Variants in DPP6 observed in about 807,000 individuals in gnomAD.
The protein encoded by DPP6 is dipeptidyl peptidase like 6, also known as A-type potassium channel modulatory protein DPP6.
A neutral mutation model predicts 122.6 loss-of-function variants in DPP6; 69 were observed. The observed-to-expected ratio is 0.56, with a 90% confidence interval of 0.46 to 0.69. DPP6 has a LOEUF of 0.69. DPP6 is among the 30% of genes least tolerant of loss of function. The pLI is 0.00. For synonymous variants in DPP6, 418 were observed against 433.1 expected, an observed-to-expected ratio of 0.97 and a Z score of 0.43; for missense variants, 928 against 1,116.9, an observed-to-expected ratio of 0.83 and a Z score of 2.41.
chr7:154,798,786 T>C (rs1293396801), intron 12 of DPP6, among the ~76,000 whole-genome samples: 1 of 152,196 alleles, frequency 6.6e-6, no homozygotes, highest in Non-Finnish European at 1.5e-5. Context: ...TATGACATTG[T>C]TTTTTTCGTA....
At chr7:154,631,840 T>TTA (rs959329930) in intron 5 of DPP6, among the ~76,000 whole-genome samples, 1 of 152,144 alleles carries the variant, frequency 6.6e-6, no homozygotes, top group African/African-American at 2.4e-5. Context: ...GTGGAGAAGT[T>TTA]GTTAAAGTTC....
At chr7:153,855,968 G>T in the DPP6 span, among the ~76,000 whole-genome samples, 1 of 152,164 alleles carries the variant, frequency 6.6e-6, no homozygotes, top group Non-Finnish European at 1.5e-5. Flanking sequence ...AGGTGACTCA[G>T]AAGTTAAACA....
intron 3 of DPP6, among the ~76,000 whole-genome samples, chr7:154,495,746 T>C (rs1053124231): frequency 6.6e-6 from 1 of 152,084 alleles, no homozygotes; most frequent in African/African-American, 2.4e-5. Context: ...CAGGAACCAG[T>C]GCGGGGAGGT....
chr7:154,430,239 T>C (rs1181116035), intron 1 of DPP6, among the ~76,000 whole-genome samples: 2 of 152,206 alleles, frequency 1.3e-5, no homozygotes. Context: ...GTTAGTTTAA[T>C]GATGCAAGTC....
intron 3 of DPP6, among the ~76,000 whole-genome samples, chr7:154,531,648 T>A (rs2130122164): frequency 6.6e-6 from 1 of 152,296 alleles, no homozygotes; most frequent in African/African-American, 2.4e-5. Flanking sequence ...TTTTTTCTTT[T>A]TGACTTTTTA....
At chr7:153,906,697 C>T (rs111780935) in intron 1 of DPP6, among the ~76,000 whole-genome samples, 4,736 of 152,322 alleles carry the variant, frequency 0.031, 226 homozygotes, top group African/African-American at 0.11. Flanking sequence ...AGCAATCCAC[C>T]CGCTTCAGGC....
rs972892547 is a variant in DPP6 at position 154,188,508 on chromosome 7, CTCTAAGTCTGATAT to C, written c.243+135447_243+135460del. On this transcript the variant is annotated intron_variant, in intron 1 of 25. Coordinates refer to ENST00000377770, the MANE Select transcript of DPP6 (RefSeq NM_130797.4). Reference sequence around the variant, plus strand: ...AATAGTAACTGTGTAATGTGGGGGTCTCTAAGTCTGATATTGCTTAGCTATGCAGTTTTCTAGTC... The same window carrying C: ...AATAGTAACTGTGTAATGTGGGGGTCTGCTTAGCTATGCAGTTTTCTAGTC... 1.4e-4 allele frequency among the ~76,000 whole-genome samples: 21 copies of C among 152,200 alleles called. 1 individual carries two copies. The highest frequency in any genetic ancestry group is 5.1e-4 in the African/African-American group (21 of 41,528).
Position 154,033,101 on chromosome 7 carries a change from G to T in DPP6, c.51+145367G>T, listed in dbSNP as rs1307834702. On this transcript the variant is annotated intron_variant, in intron 1 of 25. Transcript: ENST00000404039. ...TTCCTGGGTGGTAAGTGATTTCCCTGTATTATTTCACAAAATCATAAAAGC... is the reference window on the plus strand; with the variant it reads ...TTCCTGGGTGGTAAGTGATTTCCCTTTATTATTTCACAAAATCATAAAAGC... Among the ~76,000 whole-genome samples the T allele has an allele frequency of 2.0e-5, 3 of 152,044 alleles. No homozygotes were observed. The South Asian group carries it at 6.2e-4, about 31-fold the overall frequency.
At chr7:154,722,476 T>G (rs979373661) in intron 7 of DPP6, among the ~76,000 whole-genome samples, 4 of 152,284 alleles carry the variant, frequency 2.6e-5, no homozygotes, top group African/African-American at 9.6e-5. Context: ...ATCTTGATTC[T>G]GGAGGGATTT....
intron 1 of DPP6, among the ~76,000 whole-genome samples, chr7:154,037,751 G>GA (rs1427661365): frequency 1.5e-5 from 2 of 131,196 alleles, no homozygotes; most frequent in East Asian, 4.3e-4. Flanking sequence ...TAAAATGTAG[G>GA]AAAAATCCCA....
the DPP6 span, among the ~76,000 whole-genome samples, chr7:153,763,299 A>G: frequency 2.6e-5 from 4 of 151,962 alleles, no homozygotes; most frequent in Non-Finnish European, 5.9e-5. Flanking sequence ...TTACCACCAA[A>G]TAAAACTGTT....
intron 1 of DPP6, among the ~76,000 whole-genome samples, chr7:154,262,946 G>A (rs73489335): frequency 0.14 from 21,708 of 152,162 alleles, 2,066 homozygotes; most frequent in African/African-American, 0.27. Context: ...TTACGACAGT[G>A]GGGAAACTTT....
In DPP6 at chr7:154,803,869, C is replaced by T. The variant is rs1164289730; in HGVS notation, c.1413C>T (p.Asn471=). Residue 471 remains asparagine, a synonymous_variant, in exon 14 of 26, where the codon AAC becomes AAT. Transcript: ENST00000377770. ...YHITVSSSQP[N]SSNDNIQSIT... is the part of the protein sequence containing the mutation. ...GCCATGTCTGTGTGTTTCAGCCCAA[C>T]AGCAGCAACGACAACATCCAGTCCA... 6.2e-7 allele frequency: 1 copy of T among 1,613,638 alleles called. No individual in the cohort carries two copies. The highest frequency in any genetic ancestry group is 8.5e-7 in the Non-Finnish European group (1 of 1,179,670).
chr7:154,769,392 A>G, intron 8 of DPP6, 25 bp from the exon 9 acceptor site: 2 of 1,612,404 alleles, frequency 1.2e-6, no homozygotes, highest in South Asian at 2.2e-5. Flanking sequence ...TACTATTCAC[A>G]TTTCTCTACT....
chr7:154,349,970 G>A (rs1810712172), intron 1 of DPP6, among the ~76,000 whole-genome samples: 1 of 152,216 alleles, frequency 6.6e-6, no homozygotes, highest in South Asian at 2.1e-4. Context: ...TAAATAAAAT[G>A]TTTTGATGAT....
intron 1 of DPP6, among the ~76,000 whole-genome samples, chr7:154,332,215 G>A (rs948414452): frequency 6.6e-6 from 1 of 152,070 alleles, no homozygotes; most frequent in Non-Finnish European, 1.5e-5. Flanking sequence ...GGGATTACAG[G>A]CACATGCCAC....
intron 1 of DPP6, among the ~76,000 whole-genome samples, chr7:154,257,708 C>T (rs78392767): frequency 4.6e-5 from 7 of 151,596 alleles, no homozygotes; most frequent in African/African-American, 9.7e-5. Flanking sequence ...CAAAAATAAA[C>T]AAATAAATAA....
At chr7:154,359,120 G>A (rs987256840) in intron 1 of DPP6, among the ~76,000 whole-genome samples, 4 of 152,230 alleles carry the variant, frequency 2.6e-5, no homozygotes, top group African/African-American at 9.6e-5. Context: ...ACTGAAGACA[G>A]CATAGAAGGA....
chr7:154,431,789 T>C (rs1818450924), intron 1 of DPP6, among the ~76,000 whole-genome samples: 1 of 152,118 alleles, frequency 6.6e-6, no homozygotes, highest in African/African-American at 2.4e-5. Flanking sequence ...CACCTCAGCC[T>C]CCCAAAGTGC....
Sources: allele counts gnomAD v4.1 joint callset (sites outside exome capture counted in the v4.1 genomes callset), GRCh38; gene constraint gnomAD v4.1.1; transcripts MANE v1.5; gene names NCBI Gene and HGNC (gene_info 2026-07-23, HGNC 2026-07-21).